CATSPERE: variants seen among roughly 807,000 people sequenced by gnomAD.
CATSPERE encodes the protein cation channel sperm-associated auxiliary subunit epsilon.
CATSPERE carries 93 observed loss-of-function variants against 114.1 expected under a neutral mutation model. That is an observed-to-expected ratio of 0.81 (90% confidence interval 0.69 to 0.97). CATSPERE has a LOEUF of 0.97. Among genes scored for constraint, CATSPERE ranks in the 50% least tolerant of loss-of-function variants. The pLI, the probability that CATSPERE is intolerant of heterozygous loss-of-function variation, is 0.00. For missense variants in CATSPERE, 1,058 were observed against 1,131.6 expected, an observed-to-expected ratio of 0.93 and a Z score of 0.93; for synonymous variants, 341 against 384.1, an observed-to-expected ratio of 0.89 and a Z score of 1.31.
In CATSPERE at chr1:244,610,283, A is replaced by C. The variant is rs1364894707; in HGVS notation, c.2447A>C (p.Glu816Ala). ...GCACAGACATGGAAGTCAATGATTG[A>C]ACTTAACAAGCACCTCCCACTAGAA... ...HEAQTWKSMI[E>A]LNKHLPLEEV... Residue 816 changes from glutamate to alanine, a missense_variant, in exon 19 of 22, where the codon GAA (glutamate) becomes GCA (alanine). This residue lies in a region of CATSPERE where 787 missense variants were observed against 905.6 expected (regional missense o/e 0.87). Coordinates refer to ENST00000366534, the MANE Select transcript of CATSPERE (RefSeq NM_001130957.2). 6.2e-7 allele frequency: 1 copy of C among 1,613,262 alleles called. No homozygotes were observed. Among genetic ancestry groups the C allele is most frequent in the Admixed American group, 1.7e-5 (1 of 59,968 alleles).
intron 5 of CATSPERE, among the ~76,000 whole-genome samples, chr1:244,487,251 A>C (rs1210298573): frequency 6.6e-6 from 1 of 151,824 alleles, no homozygotes; most frequent in Non-Finnish European, 1.5e-5. Flanking sequence ...GTGGTTCAGC[A>C]TGTGGAATAC....
intron 19 of CATSPERE, among the ~76,000 whole-genome samples, chr1:244,614,874 T>C (rs2148702480): frequency 6.6e-6 from 1 of 152,306 alleles, no homozygotes; most frequent in East Asian, 1.9e-4. Context: ...CTCATCTTGA[T>C]GGCCTACACA....
chr1:244,585,199 A>T (rs1156261602), intron 13 of CATSPERE, among the ~76,000 whole-genome samples: 1 of 152,198 alleles, frequency 6.6e-6, no homozygotes, highest in African/African-American at 2.4e-5. Context: ...TCTGAGCCTC[A>T]GCTGCCTCAT....
intron 19 of CATSPERE, among the ~76,000 whole-genome samples, chr1:244,613,473 T>A (rs1265918402): frequency 6.6e-6 from 1 of 152,150 alleles, no homozygotes; most frequent in Non-Finnish European, 1.5e-5. Context: ...TTAAATATAA[T>A]CAAGAGTTTT....
chr1:244,631,177 T>C (rs1673893283), intron 20 of CATSPERE, among the ~76,000 whole-genome samples: 1 of 152,096 alleles, frequency 6.6e-6, no homozygotes, highest in Non-Finnish European at 1.5e-5. Flanking sequence ...AAAAGTAATA[T>C]AGCTGGGCAT....
At position 244,601,728 on chromosome 1, in the gene CATSPERE, G is replaced by A. The variant is rs555640902; in HGVS notation, c.2304-3967G>A. On this transcript the variant is annotated intron_variant, in intron 17 of 21. Coordinates refer to ENST00000366534, the MANE Select transcript of CATSPERE (RefSeq NM_001130957.2). ...AGCACTTCGGGAGGCCAAGGTGGGCGGATCACTTGAGGTCAGGAGTTCGAA... is the reference window on the plus strand; with the variant it reads ...AGCACTTCGGGAGGCCAAGGTGGGCAGATCACTTGAGGTCAGGAGTTCGAA... 9.2e-5 allele frequency among the ~76,000 whole-genome samples: 14 copies of A among 152,242 alleles called. 1 individual carries two copies. The South Asian group carries it at 1.7e-3, about 18-fold the overall frequency.
chr1:244,594,387 A>G (rs1420573605), intron 17 of CATSPERE, among the ~76,000 whole-genome samples: 1 of 152,194 alleles, frequency 6.6e-6, no homozygotes, highest in Non-Finnish European at 1.5e-5. Flanking sequence ...AGACTTTTCC[A>G]AGTGATTTTG....
chr1:244,455,757 G>T (rs1302924063), intron 1 of CATSPERE, among the ~76,000 whole-genome samples: 1 of 151,738 alleles, frequency 6.6e-6, no homozygotes, highest in Non-Finnish European at 1.5e-5. Context: ...GGTAGCCTGG[G>T]ACTCCTTGGG....
chr1:244,500,331 AG>A (rs1673833571), intron 7 of CATSPERE, among the ~76,000 whole-genome samples: 1 of 152,202 alleles, frequency 6.6e-6, no homozygotes, highest in African/African-American at 2.4e-5. Context: ...TTTGCTCCGC[AG>A]AAGCTCTTTA....
chr1:244,521,606 C>T (rs1384710886), intron 8 of CATSPERE, among the ~76,000 whole-genome samples: 1 of 151,986 alleles, frequency 6.6e-6, no homozygotes, highest in African/African-American at 2.4e-5. Flanking sequence ...TTTTTAACCT[C>T]ATATTGTACA....
intron 6 of CATSPERE, among the ~76,000 whole-genome samples, chr1:244,498,474 TAAG>T (rs935025145): frequency 6.6e-6 from 1 of 152,042 alleles, no homozygotes; most frequent in African/African-American, 2.4e-5. Flanking sequence ...TCAAGAAAAA[TAAG>T]AAAGAAAATT....
intron 9 of CATSPERE, among the ~76,000 whole-genome samples, chr1:244,558,373 C>T (rs1475377006): frequency 6.6e-6 from 1 of 152,060 alleles, no homozygotes; most frequent in Non-Finnish European, 1.5e-5. Context: ...TGGTCTCAAA[C>T]TCCTCCAATT....
chr1:244,452,181 C>A (rs915338510), upstream of CATSPERE: 2 of 175,344 alleles, frequency 1.1e-5, no homozygotes, highest in Non-Finnish European at 2.4e-5. Context: ...TTCGAGAGCG[C>A]TTCTCCTTCA....
chr1:244,463,842 T>C, intron 1 of CATSPERE, 66 bp from the exon 2 acceptor site: 2 of 1,367,298 alleles, frequency 1.5e-6, no homozygotes, highest in Non-Finnish European at 2.1e-6. Flanking sequence ...CCTGACCATG[T>C]AGAGAATCCT....
chr1:244,452,552 A>C (rs371381928), upstream of CATSPERE, among the ~76,000 whole-genome samples: 11 of 152,364 alleles, frequency 7.2e-5, no homozygotes, highest in South Asian at 2.3e-3. Context: ...TAGATCAAAT[A>C]AAGTCCTAAT....
chr1:244,604,588 G>A (rs1178003150), intron 17 of CATSPERE, among the ~76,000 whole-genome samples: 1 of 152,192 alleles, frequency 6.6e-6, no homozygotes, highest in East Asian at 1.9e-4. Context: ...AGGAGAAGGT[G>A]GGGCGACAGT....
chr1:244,467,979 T>G (rs1667878720), intron 2 of CATSPERE, among the ~76,000 whole-genome samples: 1 of 152,240 alleles, frequency 6.6e-6, no homozygotes, highest in African/African-American at 2.4e-5. Context: ...TAATCTTTGC[T>G]TACCATTTCA....
intron 20 of CATSPERE, among the ~76,000 whole-genome samples, chr1:244,635,017 G>C (rs1180497012): frequency 1.3e-5 from 2 of 152,102 alleles, no homozygotes; most frequent in Non-Finnish European, 2.9e-5. Flanking sequence ...GCTAATTTTT[G>C]TATTTTTAGT....
intron 20 of CATSPERE, among the ~76,000 whole-genome samples, chr1:244,621,631 A>G (rs554691808): frequency 3.9e-5 from 6 of 151,968 alleles, no homozygotes; most frequent in Non-Finnish European, 5.9e-5. Flanking sequence ...CACAAAACCA[A>G]CCTACAAAGT....
Sources: allele counts gnomAD v4.1 joint callset (sites outside exome capture counted in the v4.1 genomes callset), GRCh38; gene constraint gnomAD v4.1.1; regional missense constraint gnomAD v4.1.1; transcripts MANE v1.5; gene names NCBI Gene and HGNC (gene_info 2026-07-23, HGNC 2026-07-21).